Variants in KCNIP4 observed in about 807,000 individuals in gnomAD.
KCNIP4 encodes potassium voltage-gated channel interacting protein 4.
In KCNIP4, 12 loss-of-function variants were observed where a neutral mutation model predicts 34.0. The observed-to-expected ratio is 0.35, with a 90% CI of 0.23 to 0.57. KCNIP4 has a LOEUF of 0.57. Among genes scored for constraint, KCNIP4 ranks in the 20% least tolerant of loss-of-function variants. The probability of loss-of-function intolerance (pLI) is 0.83; values close to 1 mark genes in which losing one functional copy is unlikely to be tolerated. For missense variants in KCNIP4, 238 were observed against 311.7 expected (o/e 0.76, Z 1.78); for synonymous variants, 124 against 102.2 (o/e 1.21, Z -1.29).
intron 1 of KCNIP4, among the ~76,000 whole-genome samples, chr4:21,742,155 G>T (rs1310259861): frequency 6.6e-6 from 1 of 152,052 alleles, no homozygotes; most frequent in Non-Finnish European, 1.5e-5. Flanking sequence ...AATGAAAAGG[G>T]TACTGAATAA....
At chr4:21,535,996 G>A (rs549338481) in intron 1 of KCNIP4, among the ~76,000 whole-genome samples, 8 of 152,178 alleles carry the variant, frequency 5.3e-5, no homozygotes, top group Middle Eastern at 3.4e-3. Context: ...ACAAGACAGT[G>A]ACCAGGTCCA....
chr4:21,290,498 T>C (rs574981511), intron 1 of KCNIP4, among the ~76,000 whole-genome samples: 5 of 152,342 alleles, frequency 3.3e-5, no homozygotes, highest in African/African-American at 1.2e-4. Context: ...CCCGTGTGTA[T>C]ACTTTTTTAA....
chr4:20,981,056 C>A (rs1423083362), intron 1 of KCNIP4, among the ~76,000 whole-genome samples: 1 of 152,140 alleles, frequency 6.6e-6, no homozygotes, highest in Non-Finnish European at 1.5e-5. Flanking sequence ...TCTGCTTAGA[C>A]AATGTCATAG....
chr4:21,886,245 G>C (rs1726757352), intron 1 of KCNIP4, among the ~76,000 whole-genome samples: 1 of 152,098 alleles, frequency 6.6e-6, no homozygotes, highest in Admixed American at 6.6e-5. Flanking sequence ...GATTTATACA[G>C]CATAATTTTC....
intron 1 of KCNIP4, among the ~76,000 whole-genome samples, chr4:21,192,606 C>T (rs909922131): frequency 6.6e-6 from 1 of 152,084 alleles, no homozygotes; most frequent in African/African-American, 2.4e-5. Flanking sequence ...GCTTTATCCT[C>T]ATATCTTTGA....
chr4:21,817,408 T>C (rs1315276851), intron 1 of KCNIP4, among the ~76,000 whole-genome samples: 1 of 152,172 alleles, frequency 6.6e-6, no homozygotes, highest in Non-Finnish European at 1.5e-5. Flanking sequence ...GTAAAACATG[T>C]GTGTTTGCAC....
chr4:21,791,385 C>A lies in KCNIP4; in HGVS notation c.61+157186G>T, dbSNP rs549667683. Among the ~76,000 whole-genome samples the A allele has an allele frequency of 6.6e-5, 10 of 152,110 alleles. No individual in the cohort carries two copies. The South Asian group carries it at 2.1e-3, about 32-fold the overall frequency. ...GGTTAGGATTTCAACACAGGAATTG[C>A]GGGGCAGAAGGTAGAGGGGACATTC... is the stretch of plus-strand genomic sequence containing the variant. On this transcript the variant is annotated intron_variant, in intron 1 of 8. Coordinates refer to ENST00000382152, the MANE Select transcript of KCNIP4 (RefSeq NM_025221.6).
intron 1 of KCNIP4, among the ~76,000 whole-genome samples, chr4:20,956,037 G>T (rs965998000): frequency 6.6e-6 from 1 of 152,048 alleles, no homozygotes; most frequent in Admixed American, 6.5e-5. Flanking sequence ...ACCTTCTAAC[G>T]CCTATCACTT....
chr4:21,356,346 G>C (rs1411770256), intron 1 of KCNIP4, among the ~76,000 whole-genome samples: 2 of 151,816 alleles, frequency 1.3e-5, no homozygotes, highest in Non-Finnish European at 2.9e-5. Context: ...GAAAGAAAGG[G>C]TATTCAATTA....
At chr4:20,741,824 A>G (rs1751181188) in intron 5 of KCNIP4, among the ~76,000 whole-genome samples, 1 of 152,116 alleles carries the variant, frequency 6.6e-6, no homozygotes, top group South Asian at 2.1e-4. Context: ...GACTGCTAGC[A>G]AGGCTAATAA....
chr4:21,281,386 C>A (rs991424662), intron 1 of KCNIP4, among the ~76,000 whole-genome samples: 5 of 151,960 alleles, frequency 3.3e-5, no homozygotes, highest in African/African-American at 9.7e-5. Context: ...CCGCACCCAG[C>A]CAAAAAACAG....
At chr4:21,273,187 A>G (rs1578001336) in intron 1 of KCNIP4, among the ~76,000 whole-genome samples, 2 of 152,300 alleles carry the variant, frequency 1.3e-5, no homozygotes, top group South Asian at 4.1e-4. Context: ...TAAGAAATAC[A>G]TGATCCCCTT....
chr4:21,093,821 G>A (rs59302164), intron 1 of KCNIP4, among the ~76,000 whole-genome samples: 25,120 of 152,122 alleles, frequency 0.17, 2,164 homozygotes, highest in East Asian at 0.24. Flanking sequence ...GTTGGCTGAC[G>A]CCTGTAATCC....
chr4:21,594,965 T>A (rs987662411), intron 1 of KCNIP4, among the ~76,000 whole-genome samples: 4 of 152,206 alleles, frequency 2.6e-5, no homozygotes, highest in Admixed American at 6.5e-5. Context: ...ATTACTTTTT[T>A]TAAAAAAATT....
intron 3 of KCNIP4, among the ~76,000 whole-genome samples, chr4:20,842,405 T>C (rs1012316429): frequency 1.5e-4 from 23 of 150,952 alleles, no homozygotes; most frequent in African/African-American, 5.4e-4. Flanking sequence ...TAGGGATGAG[T>C]GAGGGGTGAG....
intron 1 of KCNIP4, among the ~76,000 whole-genome samples, chr4:20,925,103 C>T (rs1252558697): frequency 1.3e-5 from 2 of 152,152 alleles, no homozygotes; most frequent in African/African-American, 2.4e-5. Context: ...TAGTACCATG[C>T]TTGTTGCATA....
At chr4:21,523,765 G>T (rs1236436346) in intron 1 of KCNIP4, among the ~76,000 whole-genome samples, 2 of 151,766 alleles carry the variant, frequency 1.3e-5, no homozygotes, top group Non-Finnish European at 2.9e-5. Flanking sequence ...TTCAGACAAG[G>T]TCTTGCTAGG....
chr4:21,406,289 T>G (rs1432714533), intron 1 of KCNIP4, among the ~76,000 whole-genome samples: 1 of 152,164 alleles, frequency 6.6e-6, no homozygotes, highest in Non-Finnish European at 1.5e-5. Context: ...AATGTCAAAC[T>G]CTTTAAAAGA....
chr4:20,969,452 G>A (rs1262063759), intron 1 of KCNIP4, among the ~76,000 whole-genome samples: 1 of 152,128 alleles, frequency 6.6e-6, no homozygotes, highest in Non-Finnish European at 1.5e-5. Flanking sequence ...TCAATAGCCT[G>A]TCCTGACACT....
Sources: gnomAD v4.1 joint callset for allele counts (sites outside exome capture counted in the v4.1 genomes callset) on GRCh38, gnomAD v4.1.1 for gene constraint, MANE v1.5 for transcripts, NCBI Gene and HGNC (gene_info 2026-07-23, HGNC 2026-07-21) for gene names.